The following SARNP variants were observed in gnomAD, a reference collection of about 807,000 sequenced individuals.
SARNP encodes the protein SAP domain containing ribonucleoprotein, also known as SAP domain-containing ribonucleoprotein.
Under a neutral mutation model 38.1 loss-of-function variants are expected in SARNP, and 5 were observed. The ratio of observed to expected loss-of-function variants is 0.13; its 90% CI spans 0.07 to 0.28. The LOEUF (loss-of-function observed/expected upper bound fraction) is 0.28, where lower values mean the gene tolerates loss of function less well. SARNP is among the 10% of genes least tolerant of loss of function. The probability of loss-of-function intolerance (pLI) is 1.00; values close to 1 mark genes in which losing one functional copy is unlikely to be tolerated. For synonymous variants in SARNP, 84 were observed against 80.6 expected (o/e 1.04, Z -0.23); for missense variants, 180 against 243.9 (o/e 0.74, Z 1.75).
chr12:55,793,005 G>A (rs1879718560), intron 7 of SARNP: 1 of 152,150 alleles, frequency 6.6e-6, no homozygotes, highest in African/African-American at 2.4e-5. Flanking sequence ...AATAATAACT[G>A]TTTCAGGCTC....
chr12:55,764,531 CAAAAAAA>C (rs1046165926), intron 9 of SARNP, among the ~76,000 whole-genome samples: 15 of 65,230 alleles, frequency 2.3e-4, no homozygotes, highest in Admixed American at 3.6e-4. Flanking sequence ...AACTCCATTT[CAAAAAAA>C]AAAAAAAAAA....
At chr12:55,811,483 T>C in intron 1 of SARNP, among the ~76,000 whole-genome samples, 1 of 151,830 alleles carries the variant, frequency 6.6e-6, no homozygotes, top group Non-Finnish European at 1.5e-5. Context: ...CTGAGGTGGA[T>C]CACTTGAGTC....
At position 55,796,045 on chromosome 12, in the gene SARNP, A is replaced by T; in HGVS notation, c.283T>A (p.Ser95Thr). The T allele has an allele frequency of 6.2e-7, 1 of 1,610,892 alleles. No homozygotes were observed. The highest frequency in any genetic ancestry group is 8.5e-7 in the Non-Finnish European group (1 of 1,177,236). ...AAEKKVVKIT[S>T]EIPQTERMQK... ...CCTACCTCAGTCTGTGGTATTTCAG[A>T]TGTAATTTTCACCACTTTCTTCTCT... is the stretch of plus-strand genomic sequence containing the variant. The change falls in exon 5 of 11, where the codon TCT becomes ACT. Residue 95 changes from serine to threonine, a missense_variant. Physicochemically the swap from Ser to Thr is moderately conservative, Grantham distance 58. This residue lies in a region of SARNP where 161 missense variants were observed against 194.1 expected (regional missense o/e 0.83). Coordinates refer to ENST00000336133, the MANE Select transcript of SARNP (RefSeq NM_033082.4).
chr12:55,763,169 G>A (rs568961677), intron 9 of SARNP, among the ~76,000 whole-genome samples: 1 of 152,026 alleles, frequency 6.6e-6, no homozygotes, highest in Non-Finnish European at 1.5e-5. Context: ...ATTAAGCCAG[G>A]TTCAAAGAAA....
At chr12:55,758,344 T>C (rs1055470133) in intron 10 of SARNP, among the ~76,000 whole-genome samples, 2 of 152,186 alleles carry the variant, frequency 1.3e-5, no homozygotes, top group Admixed American at 6.5e-5. Context: ...CTGATACTTA[T>C]TCATGAAGAA....
chr12:55,761,347 C>T (rs1878670349), intron 9 of SARNP, among the ~76,000 whole-genome samples: 1 of 152,066 alleles, frequency 6.6e-6, no homozygotes, highest in Non-Finnish European at 1.5e-5. Flanking sequence ...ACTTGTTGAA[C>T]AATGCTTACA....
intron 9 of SARNP, among the ~76,000 whole-genome samples, chr12:55,782,013 T>C (rs976816436): frequency 3.3e-5 from 5 of 152,204 alleles, no homozygotes; most frequent in Admixed American, 6.5e-5. Flanking sequence ...CTAAACTTTT[T>C]ATATTGTGAC....
chr12:55,805,598 G>A (rs1880114514), intron 1 of SARNP, among the ~76,000 whole-genome samples: 1 of 152,194 alleles, frequency 6.6e-6, no homozygotes, highest in African/African-American at 2.4e-5. Context: ...TGTAATCCCA[G>A]CACTTTGGGG....
At chr12:55,805,483 G>C (rs1046778940) in intron 1 of SARNP, among the ~76,000 whole-genome samples, 1 of 151,992 alleles carries the variant, frequency 6.6e-6, no homozygotes, top group African/African-American at 2.4e-5. Flanking sequence ...AGGCCAAGGC[G>C]GGCAGATCAT....
intron 9 of SARNP, among the ~76,000 whole-genome samples, chr12:55,780,330 C>T (rs1337499845): frequency 3.3e-5 from 5 of 151,378 alleles, no homozygotes; most frequent in Non-Finnish European, 4.4e-5. Context: ...AGCACATGCC[C>T]GTAATCCCAG....
intron 1 of SARNP, among the ~76,000 whole-genome samples, chr12:55,807,646 CAAAAAAA>C (rs768134544): frequency 2.7e-5 from 2 of 75,442 alleles, no homozygotes; most frequent in East Asian, 6.7e-4. Flanking sequence ...ACTAAAAATA[CAAAAAAA>C]AAAAAAAAAA....
intron 4 of SARNP, among the ~76,000 whole-genome samples, chr12:55,797,886 G>A (rs73119258): frequency 6.6e-6 from 1 of 151,952 alleles, no homozygotes; most frequent in Non-Finnish European, 1.5e-5. Flanking sequence ...AATCAAAAAC[G>A]ATCACCCCAC....
chr12:55,782,042 A>G (rs748909942), intron 9 of SARNP, among the ~76,000 whole-genome samples: 5 of 152,232 alleles, frequency 3.3e-5, no homozygotes, highest in Non-Finnish European at 5.9e-5. Context: ...AACACAGATC[A>G]TAACCATCAG....
At chr12:55,801,252 G>A (rs1879971021) in intron 2 of SARNP, among the ~76,000 whole-genome samples, 1 of 152,082 alleles carries the variant, frequency 6.6e-6, no homozygotes, top group Non-Finnish European at 1.5e-5. Context: ...ACCAGCTTGG[G>A]GAACACAGCG....
chr12:55,810,517 A>G (rs1358695400), intron 1 of SARNP, among the ~76,000 whole-genome samples: 1 of 151,224 alleles, frequency 6.6e-6, no homozygotes, highest in African/African-American at 2.4e-5. Flanking sequence ...CAGTGGCACA[A>G]TCTCGGCTCA....
In SARNP at chr12:55,794,399, A is replaced by G. The variant is rs1213769334; in HGVS notation, c.378-12T>C. The G allele has an allele frequency of 6.2e-7, 1 of 1,606,414 alleles. No individual in the cohort carries two copies. Among genetic ancestry groups the G allele is most frequent in the African/African-American group, 1.3e-5 (1 of 74,488 alleles). ...AAGAAATCCCAAACCTGAAGAAGGA[A>G]AAACAAACTAAATTTTAGGAAGCTG... On this transcript the variant is annotated splice_polypyrimidine_tract_variant and intron_variant, in intron 6 of 10. Coordinates refer to ENST00000336133, the MANE Select transcript of SARNP (RefSeq NM_033082.4).
In SARNP at chr12:55,774,574, ACAAACAAAAAAAAAAAAAC is replaced by A. The variant is rs1479088208; in HGVS notation, c.502-13953_502-13935del. ...CGTCTCTACTGAAAAAAAAAAAAAA[ACAAACAAAAAAAAAAAAAC>A]AAAAATTAGCCAGGTGTGGCGGCAT... On this transcript the variant is annotated intron_variant, in intron 9 of 10. Coordinates refer to ENST00000336133, the MANE Select transcript of SARNP (RefSeq NM_033082.4). Among the ~76,000 whole-genome samples the A allele has an allele frequency of 2.0e-3, 116 of 59,130 alleles. 3 individuals are homozygous for A. The highest frequency in any genetic ancestry group is 4.4e-3 in the Admixed American group (19 of 4,314). 38.8% of individuals were successfully genotyped at this position (59,130 alleles called of 152,430 possible).
chr12:55,754,554 T>C (rs1878442835), downstream of SARNP: 1 of 152,238 alleles, frequency 6.6e-6, no homozygotes, highest in African/African-American at 2.4e-5. Context: ...TTTCTCAAAA[T>C]ACGACTGCAT....
Position 55,760,543 on chromosome 12 carries a change from A to ATT in SARNP, c.591+6_591+7dup, listed in dbSNP as rs775656449. ...AAGGTCTATGAAGCGTTCCAGGTAT[A>ATT]TTTTTACCTCTGTATCCTCTGTGGT... On this transcript the variant is annotated splice_region_variant and intron_variant, in intron 10 of 10. Transcript: ENST00000336133. 2.4e-5 allele frequency: 38 copies of ATT among 1,562,766 alleles called. No individual in the cohort carries two copies. Among genetic ancestry groups the ATT allele is most frequent in the Non-Finnish European group, 3.4e-5 (38 of 1,133,222 alleles).
Sources: gnomAD v4.1 joint callset for allele counts (sites outside exome capture counted in the v4.1 genomes callset) on GRCh38, gnomAD v4.1.1 for gene constraint, gnomAD v4.1.1 regional missense constraint, MANE v1.5 for transcripts, NCBI Gene and HGNC (gene_info 2026-07-23, HGNC 2026-07-21) for gene names.